The following CLDN10 variants were observed in gnomAD, a reference collection of about 807,000 sequenced individuals.
CLDN10 encodes the protein claudin 10, also known as claudin-10.
In CLDN10, 15 loss-of-function variants were observed where a neutral mutation model predicts 22.9. The observed-to-expected ratio is 0.65, with a 90% CI of 0.44 to 1.01. The LOEUF (loss-of-function observed/expected upper bound fraction) is 1.01, where lower values mean the gene tolerates loss of function less well. Among genes scored for constraint, CLDN10 ranks in the 50% least tolerant of loss-of-function variants. The pLI is 0.00. For missense variants in CLDN10, 247 were observed against 287.8 expected (o/e 0.86, Z 1.03); for synonymous variants, 114 against 111.4 (o/e 1.02, Z -0.15).
intron 1 of CLDN10, among the ~76,000 whole-genome samples, chr13:95,471,440 C>CACACACACACACATATATATAT (rs746573300): frequency 1.9e-5 from 2 of 104,404 alleles, no homozygotes; most frequent in African/African-American, 4.0e-5. Context: ...CACACACACA[C>CACACACACACACATATATATAT]ATATATATAT....
intron 1 of CLDN10, among the ~76,000 whole-genome samples, chr13:95,460,651 A>T (rs1409094642): frequency 6.6e-6 from 1 of 152,194 alleles, no homozygotes; most frequent in Admixed American, 6.5e-5. Flanking sequence ...TACGAGGATT[A>T]TGGGGATTAC....
At position 95,534,200 on chromosome 13, in the gene CLDN10, G is replaced by T. The variant is rs143848622; in HGVS notation, c.215-25932G>T. 7.2e-5 allele frequency among the ~76,000 whole-genome samples: 11 copies of T among 152,262 alleles called. No homozygotes were observed. In the East Asian group the frequency reaches 2.1e-3, roughly 29 times the overall value. On this transcript the variant is annotated intron_variant, in intron 1 of 4. Coordinates refer to the CLDN10 transcript ENST00000376873. ...TATCCCCAGCAATTTAGCAGCATCT[G>T]CTATGTAGAAGGTTACATATGAAAA...
intron 3 of CLDN10, among the ~76,000 whole-genome samples, chr13:95,571,629 C>T (rs757609396): frequency 2.0e-4 from 30 of 151,802 alleles, no homozygotes; most frequent in African/African-American, 6.3e-4. Context: ...AAGAATGAGG[C>T]GTATTTTGGG....
Position 95,564,849 on chromosome 13 carries a change from A to G in CLDN10, c.464+4386A>G, listed in dbSNP as rs559811425. Among the ~76,000 whole-genome samples, 12 of 152,324 alleles carry G rather than the reference A, an allele frequency of 7.9e-5. No individual in the cohort carries two copies. The South Asian group carries it at 2.5e-3, about 32-fold the overall frequency. ...GTATTGCACTTTATGTTCAGTGGCTAGTTCCTCTAAAAGTCCTTCCTTTCC... is the reference window on the plus strand; with the variant it reads ...GTATTGCACTTTATGTTCAGTGGCTGGTTCCTCTAAAAGTCCTTCCTTTCC... On this transcript the variant is annotated intron_variant, in intron 3 of 4. Coordinates refer to ENST00000299339, the MANE Select transcript of CLDN10 (RefSeq NM_006984.5).
At chr13:95,569,578 ACT>A (rs1008216832) in intron 3 of CLDN10, among the ~76,000 whole-genome samples, 1 of 151,884 alleles carries the variant, frequency 6.6e-6, no homozygotes, top group Non-Finnish European at 1.5e-5. Flanking sequence ...AGGGAGTGAG[ACT>A]CTGCCTCAAA....
At chr13:95,471,152 T>A (rs1306269413) in intron 1 of CLDN10, among the ~76,000 whole-genome samples, 2 of 151,660 alleles carry the variant, frequency 1.3e-5, no homozygotes, top group Non-Finnish European at 2.9e-5. Context: ...GGGAGGAGAA[T>A]TTCCAGGCAG....
intron 3 of CLDN10, among the ~76,000 whole-genome samples, chr13:95,563,095 A>ACTCTCTCTCTCTCTCTCTCTCTCT (rs34473629): frequency 1.6e-4 from 20 of 128,120 alleles, no homozygotes; most frequent in South Asian, 2.7e-4. Context: ...CTGCCTACCC[A>ACTCTCTCTCTCTCTCTCTCTCTCT]CTCTCTCTCT....
At chr13:95,463,330 C>CTTT (rs869042850) in intron 1 of CLDN10, among the ~76,000 whole-genome samples, 10 of 37,056 alleles carry the variant, frequency 2.7e-4, no homozygotes, top group African/African-American at 6.6e-4. Context: ...ATATATTTGC[C>CTTT]TTTTTTTTTT....
In CLDN10 at chr13:95,434,037, CA is replaced by C; in HGVS notation, c.207del (p.Val70Ter). ...ATTGCCGACCGCATTTTACTATCTT[CA>C]AAGTAGCAGGTAAATATAATGGCTT... On this transcript the variant is annotated frameshift_variant, in exon 1 of 5. Transcript: ENST00000376873. LOFTEE classifies it high-confidence loss of function. 6.2e-7 allele frequency: 1 copy of C among 1,613,912 alleles called. No homozygotes were observed. The highest frequency in any genetic ancestry group is 1.1e-5 in the South Asian group (1 of 91,054).
At chr13:95,440,568 T>C (rs1291808989) in intron 1 of CLDN10, among the ~76,000 whole-genome samples, 1 of 152,124 alleles carries the variant, frequency 6.6e-6, no homozygotes, top group Non-Finnish European at 1.5e-5. Context: ...TCCAACTACT[T>C]GGGAGGCTGA....
rs368080206 is a variant in CLDN10, at chr13:95,560,146, T to C, written c.235T>C (p.Cys79Arg). The C allele has an allele frequency of 3.1e-6, 5 of 1,613,912 alleles. No individual in the cohort carries two copies. The highest frequency in any genetic ancestry group is 4.2e-6 in the Non-Finnish European group (5 of 1,179,824). ...MLALDGYIQA[C>R]RGLMIAAVSL... ...TCTAATTGCAGGTTATATACAGGCATGTAGAGGACTTATGATCGCTGCTGT... is the reference window on the plus strand; with the variant it reads ...TCTAATTGCAGGTTATATACAGGCACGTAGAGGACTTATGATCGCTGCTGT... The change falls in exon 2 of 5, where the codon TGT (cysteine) becomes CGT (arginine). Residue 79 changes from cysteine to arginine, a missense_variant. Cys to Arg is a radical substitution (Grantham distance 180, BLOSUM62 -3). Transcript: ENST00000299339.
At chr13:95,517,188 T>G (rs1183423367) in intron 1 of CLDN10, among the ~76,000 whole-genome samples, 1 of 151,500 alleles carries the variant, frequency 6.6e-6, no homozygotes. Flanking sequence ...CATTCTTAAA[T>G]TTTTCTCTTT....
At chr13:95,567,906 T>G (rs943001943) in intron 3 of CLDN10, among the ~76,000 whole-genome samples, 3 of 152,252 alleles carry the variant, frequency 2.0e-5, no homozygotes, top group Non-Finnish European at 4.4e-5. Context: ...TGGTTCTGTT[T>G]ATGTGATGGA....
chr13:95,518,100 A>G (rs537708010), intron 1 of CLDN10, among the ~76,000 whole-genome samples: 1 of 152,286 alleles, frequency 6.6e-6, no homozygotes, highest in South Asian at 2.1e-4. Context: ...GCAACTTAAC[A>G]TTTCTTGGCT....
At chr13:95,506,563 A>C (rs2043041086) in intron 1 of CLDN10, among the ~76,000 whole-genome samples, 1 of 152,142 alleles carries the variant, frequency 6.6e-6, no homozygotes, top group Non-Finnish European at 1.5e-5. Flanking sequence ...TGGTGTCTGC[A>C]AACCCCAGAG....
chr13:95,556,775 T>C (rs1002717810), intron 1 of CLDN10, among the ~76,000 whole-genome samples: 2 of 152,228 alleles, frequency 1.3e-5, no homozygotes, highest in African/African-American at 4.8e-5. Flanking sequence ...AAAAGCACAT[T>C]CTTTTTTCCC....
At chr13:95,526,753 C>G (rs913507681) in intron 1 of CLDN10, among the ~76,000 whole-genome samples, 1 of 151,760 alleles carries the variant, frequency 6.6e-6, no homozygotes, top group African/African-American at 2.4e-5. Flanking sequence ...CGTCACTGCA[C>G]TCCAGCCTGG....
At chr13:95,444,874 C>T (rs2042357603) in intron 1 of CLDN10, among the ~76,000 whole-genome samples, 1 of 152,118 alleles carries the variant, frequency 6.6e-6, no homozygotes, top group Non-Finnish European at 1.5e-5. Flanking sequence ...GGCTCACTAC[C>T]ACCTGCTCCT....
chr13:95,451,113 A>G (rs2042428043), intron 1 of CLDN10, among the ~76,000 whole-genome samples: 1 of 152,202 alleles, frequency 6.6e-6, no homozygotes, highest in South Asian at 2.1e-4. Context: ...GTGAGACTGT[A>G]TAATTCTTGA....
Sources: allele counts gnomAD v4.1 joint callset (sites outside exome capture counted in the v4.1 genomes callset), GRCh38; gene constraint gnomAD v4.1.1; transcripts MANE v1.5; gene names NCBI Gene and HGNC (gene_info 2026-07-23, HGNC 2026-07-21).